TBC1D32: variants seen among roughly 807,000 people sequenced by gnomAD.
TBC1D32 encodes TBC1 domain family member 32.
TBC1D32 carries 151 observed loss-of-function variants against 170.3 expected under a neutral mutation model. The observed-to-expected ratio is 0.89, with a 90% CI of 0.78 to 1.01. TBC1D32 has a LOEUF of 1.01. Among genes scored for constraint, TBC1D32 ranks in the 50% least tolerant of loss-of-function variants. TBC1D32 has a pLI of 0.00. For missense variants in TBC1D32, 1,464 were observed against 1,457.1 expected (o/e 1.00, Z -0.08); for synonymous variants, 498 against 488.0 (o/e 1.02, Z -0.27).
chr6:121,288,049 A>G lies in TBC1D32; in HGVS notation c.1372+4004T>C, dbSNP rs144688346. On this transcript the variant is annotated intron_variant, in intron 12 of 31. Coordinates refer to ENST00000398212, the MANE Select transcript of TBC1D32 (RefSeq NM_152730.6). ...GCTCTAAATGCCCACAAGAGAAATC[A>G]GGAAAGATCTAAAATTGACACCCTA... is the stretch of plus-strand genomic sequence containing the variant. Among the ~76,000 whole-genome samples the G allele has an allele frequency of 8.6e-3, 1,305 of 152,350 alleles. 9 individuals are homozygous for G. The highest frequency in any genetic ancestry group is 0.042 in the South Asian group (201 of 4,830).
intron 15 of TBC1D32, among the ~76,000 whole-genome samples, chr6:121,276,716 C>T (rs1033941132): frequency 6.6e-6 from 1 of 152,146 alleles, no homozygotes; most frequent in Non-Finnish European, 1.5e-5. Context: ...GGAGGAAAGA[C>T]ATACCATGCT....
intron 5 of TBC1D32, among the ~76,000 whole-genome samples, chr6:121,306,993 T>C (rs1343958229): frequency 1.3e-5 from 2 of 152,214 alleles, no homozygotes; most frequent in Non-Finnish European, 2.9e-5. Flanking sequence ...TTCATCATTT[T>C]TCATTCAAAT....
intron 22 of TBC1D32, among the ~76,000 whole-genome samples, chr6:121,182,730 C>T (rs1388639334): frequency 1.3e-5 from 2 of 151,720 alleles, no homozygotes; most frequent in African/African-American, 2.4e-5. Context: ...TGAAAACATT[C>T]CTATTATTAG....
At chr6:121,216,875 A>G (rs1793893065) in intron 21 of TBC1D32, among the ~76,000 whole-genome samples, 1 of 152,342 alleles carries the variant, frequency 6.6e-6, no homozygotes, top group South Asian at 2.1e-4. Flanking sequence ...GAACCCCCAC[A>G]TAGGCTCTCT....
Position 121,149,837 on chromosome 6 carries a change from T to C in TBC1D32, c.2773+10173A>G, listed in dbSNP as rs571359240. 2.0e-5 allele frequency among the ~76,000 whole-genome samples: 3 copies of C among 152,326 alleles called. 1 individual carries two copies. The East Asian group carries it at 5.8e-4, about 29-fold the overall frequency. On this transcript the variant is annotated intron_variant, in intron 24 of 31. Transcript: ENST00000398212. ...ATGGGAATAGCATTGAATCTATAAA[T>C]TGCTTTGGGCAGTATGGCCATTTTC...
chr6:121,230,183 A>G (rs538243274), intron 20 of TBC1D32, among the ~76,000 whole-genome samples: 1 of 152,290 alleles, frequency 6.6e-6, no homozygotes, highest in East Asian at 1.9e-4. Flanking sequence ...ACAAGTTTCA[A>G]GATAATCAAT....
intron 29 of TBC1D32, 52 bp downstream of exon 29, chr6:121,112,453 A>G: frequency 4.7e-6 from 7 of 1,504,118 alleles, no homozygotes; most frequent in Non-Finnish European, 6.3e-6. Flanking sequence ...GAATGTAAGT[A>G]TAATGTTCTT....
At chr6:121,278,144 G>C (rs1437733801) in intron 15 of TBC1D32, among the ~76,000 whole-genome samples, 1 of 151,960 alleles carries the variant, frequency 6.6e-6, no homozygotes, top group Non-Finnish European at 1.5e-5. Context: ...GAAAACACCA[G>C]GCTAAAATTG....
intron 17 of TBC1D32, among the ~76,000 whole-genome samples, chr6:121,248,333 T>G (rs902747739): frequency 6.6e-6 from 1 of 151,844 alleles, no homozygotes; most frequent in Non-Finnish European, 1.5e-5. Context: ...AAAAGGAAAG[T>G]TCATAGCATT....
chr6:121,292,219 T>C (rs779411397), intron 11 of TBC1D32, 26 bp from the exon 12 acceptor site: 8 of 1,562,312 alleles, frequency 5.1e-6, no homozygotes, highest in African/African-American at 1.4e-5. Flanking sequence ...AACACGAATA[T>C]TTATTTAGTA....
intron 12 of TBC1D32, among the ~76,000 whole-genome samples, chr6:121,289,282 A>G (rs1257371213): frequency 6.6e-6 from 1 of 152,174 alleles, no homozygotes; most frequent in Non-Finnish European, 1.5e-5. Context: ...GAATCTCCTT[A>G]AGCTGATAGG....
At chr6:121,087,987 G>A (rs996846031) in intron 31 of TBC1D32, among the ~76,000 whole-genome samples, 1 of 145,948 alleles carries the variant, frequency 6.9e-6, no homozygotes, top group African/African-American at 2.5e-5. Flanking sequence ...GTCTTGTTCT[G>A]TAGCCCAGGC....
At chr6:121,244,166 C>T (rs1381061965) in intron 17 of TBC1D32, among the ~76,000 whole-genome samples, 1 of 151,792 alleles carries the variant, frequency 6.6e-6, no homozygotes, top group South Asian at 2.1e-4. Context: ...TTTTAAATCA[C>T]ACACAAATAT....
intron 24 of TBC1D32, among the ~76,000 whole-genome samples, chr6:121,149,415 A>G (rs377644554): frequency 1.3e-5 from 2 of 152,276 alleles, no homozygotes; most frequent in African/African-American, 4.8e-5. Context: ...TCTTTAATCT[A>G]TCTTGAGTTA....
At chr6:121,270,106 C>T (rs1294920710) in intron 15 of TBC1D32, among the ~76,000 whole-genome samples, 3 of 151,886 alleles carry the variant, frequency 2.0e-5, no homozygotes, top group Non-Finnish European at 2.9e-5. Flanking sequence ...GGGACACATT[C>T]AAAGCAGTAT....
chr6:121,173,921 A>AG (rs1787410725), intron 22 of TBC1D32, among the ~76,000 whole-genome samples: 1 of 2,088 alleles, frequency 4.8e-4, no homozygotes, highest in Non-Finnish European at 0.038. Context: ...AAGAAAAAAT[A>AG]AAAAAAAAAG....
intron 29 of TBC1D32, among the ~76,000 whole-genome samples, chr6:121,108,368 T>C (rs1778896855): frequency 6.6e-6 from 1 of 152,072 alleles, no homozygotes; most frequent in African/African-American, 2.4e-5. Context: ...TAACTCTCTG[T>C]CCTGTTTACC....
At chr6:121,278,116 T>A (rs1802477801) in intron 15 of TBC1D32, among the ~76,000 whole-genome samples, 2 of 152,270 alleles carry the variant, frequency 1.3e-5, no homozygotes, top group South Asian at 2.1e-4. Context: ...AATGAATAAC[T>A]AATAACCTTC....
intron 22 of TBC1D32, among the ~76,000 whole-genome samples, chr6:121,204,081 T>C (rs755483860): frequency 1.7e-5 from 2 of 117,934 alleles, no homozygotes; most frequent in Non-Finnish European, 3.9e-5. Context: ...AACATACTTG[T>C]TATGCAAAAG....
Sources: allele counts gnomAD v4.1 joint callset (sites outside exome capture counted in the v4.1 genomes callset), GRCh38; gene constraint gnomAD v4.1.1; transcripts MANE v1.5; gene names NCBI Gene and HGNC (gene_info 2026-07-23, HGNC 2026-07-21).